Variants in MAGI2 observed in about 807,000 individuals in gnomAD.
The protein encoded by MAGI2 is membrane associated guanylate kinase, WW and PDZ domain containing 2, also known as membrane-associated guanylate kinase, WW and PDZ domain-containing protein 2.
Under a neutral mutation model 133.3 loss-of-function variants are expected in MAGI2, and 35 were observed. The ratio of observed to expected loss-of-function variants is 0.26; its 90% CI spans 0.20 to 0.35. The LOEUF (loss-of-function observed/expected upper bound fraction) is 0.35. MAGI2 is among the 10% of genes least tolerant of loss of function. The pLI is 1.00. For missense variants in MAGI2, 1,636 were observed against 1,863.4 expected (o/e 0.88, Z 2.25); for synonymous variants, 729 against 710.6 (o/e 1.03, Z -0.41).
intron 21 of MAGI2, chr7:78,035,270 G>C (rs1810071664): frequency 6.5e-6 from 1 of 153,282 alleles, no homozygotes; most frequent in Non-Finnish European, 1.5e-5. Flanking sequence ...ATCAGCTTTG[G>C]AAGGTAGCGG....
chr7:78,399,804 CAAAAA>C (rs3061269), intron 6 of MAGI2, among the ~76,000 whole-genome samples: 1,920 of 69,696 alleles, frequency 0.028, 18 homozygotes, highest in East Asian at 0.12. Flanking sequence ...GACTTTGTAT[CAAAAA>C]AAAAAAAAAA....
At chr7:78,127,164 T>C (rs535160446) in intron 19 of MAGI2, 33 bp downstream of exon 19, 4 of 1,497,742 alleles carry the variant, frequency 2.7e-6, no homozygotes, top group Middle Eastern at 4.7e-4. Flanking sequence ...GAAGCCTTGG[T>C]CAGGACCCAC....
chr7:78,122,607 T>G (rs1289708856), intron 20 of MAGI2, among the ~76,000 whole-genome samples: 1 of 152,224 alleles, frequency 6.6e-6, no homozygotes, highest in Non-Finnish European at 1.5e-5. Context: ...AATAATGTTC[T>G]TTTTCATCAT....
At chr7:79,251,444 CA>C (rs56355425) in intron 1 of MAGI2, among the ~76,000 whole-genome samples, 129,774 of 151,724 alleles carry the variant, frequency 0.86, 55,609 homozygotes, top group African/African-American at 0.9. Context: ...AGAGATTTCT[CA>C]AAAAAAAAGG....
At chr7:78,653,619 C>T (rs1811812328) in intron 2 of MAGI2, among the ~76,000 whole-genome samples, 1 of 151,808 alleles carries the variant, frequency 6.6e-6, no homozygotes, top group Non-Finnish European at 1.5e-5. Flanking sequence ...GGACATCACA[C>T]ACTGGGGCCT....
At chr7:79,145,264 CT>C (rs1300645001) in intron 1 of MAGI2, among the ~76,000 whole-genome samples, 1 of 152,014 alleles carries the variant, frequency 6.6e-6, no homozygotes, top group Non-Finnish European at 1.5e-5. Context: ...TCCATTTCAC[CT>C]TTCTTCCAAA....
At chr7:78,543,219 A>G (rs909558817) in intron 3 of MAGI2, among the ~76,000 whole-genome samples, 1 of 152,206 alleles carries the variant, frequency 6.6e-6, no homozygotes, top group Non-Finnish European at 1.5e-5. Flanking sequence ...GTGAATGTAG[A>G]GAGAAAAAGG....
rs553189361 is a variant in MAGI2, at chr7:79,083,546, C to T, written c.302-76340G>A. Reference sequence around the variant, plus strand: ...GGATAAATCCCACTTGGTCATGATGCTTTTTATATGTTGTGGGATTAAATT... The same window carrying T: ...GGATAAATCCCACTTGGTCATGATGTTTTTTATATGTTGTGGGATTAAATT... On this transcript the variant is annotated intron_variant, in intron 1 of 21. Transcript: ENST00000354212. 8.1e-4 allele frequency among the ~76,000 whole-genome samples: 122 copies of T among 151,542 alleles called. 1 individual carries two copies. The highest frequency in any genetic ancestry group is 2.8e-3 in the African/African-American group (115 of 41,430).
chr7:78,714,526 C>T (rs917351483), intron 2 of MAGI2, among the ~76,000 whole-genome samples: 1 of 152,144 alleles, frequency 6.6e-6, no homozygotes, highest in African/African-American at 2.4e-5. Flanking sequence ...TAGGCAACAA[C>T]GAGGCATTGG....
In MAGI2 at chr7:79,453,088, G is replaced by C. The variant is rs2129210547; in HGVS notation, c.233C>G (p.Thr78Ser). ...GATCACGGCCAGCACGTCCCTGATG[G>C]TGAGCCCCGCCACGGGGGTCTCGTT... The part of the protein sequence containing the change: ...EVNETPVAGL[T>S]IRDVLAVIKH... The change falls in exon 1 of 22, where the codon ACC (threonine) becomes AGC (serine). Residue 78 changes from threonine to serine, a missense_variant. Physicochemically the swap from Thr to Ser is moderately conservative, Grantham distance 58. This residue lies in a region of MAGI2 where 148 missense variants were observed against 239.0 expected (regional missense o/e 0.62). Coordinates refer to ENST00000354212, the MANE Select transcript of MAGI2 (RefSeq NM_012301.4). 6.2e-7 allele frequency: 1 copy of C among 1,613,652 alleles called. No individual in the cohort carries two copies. Among genetic ancestry groups the C allele is most frequent in the Admixed American group, 1.7e-5 (1 of 59,996 alleles).
At chr7:78,638,892 G>A (rs1427124827) in intron 2 of MAGI2, among the ~76,000 whole-genome samples, 1 of 152,032 alleles carries the variant, frequency 6.6e-6, no homozygotes, top group African/African-American at 2.4e-5. Context: ...TTATTATTTA[G>A]CAGATAATGT....
chr7:78,266,864 G>A (rs896128437), intron 9 of MAGI2, among the ~76,000 whole-genome samples: 3 of 152,108 alleles, frequency 2.0e-5, no homozygotes, highest in African/African-American at 4.8e-5. Context: ...GAGCCACCAT[G>A]CCTGGCCAAA....
chr7:79,383,493 T>C (rs924714532), intron 1 of MAGI2, among the ~76,000 whole-genome samples: 3 of 151,556 alleles, frequency 2.0e-5, no homozygotes, highest in Non-Finnish European at 4.4e-5. Flanking sequence ...TTGCGATACA[T>C]GGTCTATAAA....
At chr7:78,569,834 G>T (rs1324277341) in intron 3 of MAGI2, among the ~76,000 whole-genome samples, 1 of 152,118 alleles carries the variant, frequency 6.6e-6, no homozygotes, top group African/African-American at 2.4e-5. Flanking sequence ...GTTGATTCCT[G>T]CCACCACTGA....
intron 2 of MAGI2, among the ~76,000 whole-genome samples, chr7:78,647,457 G>T (rs1162483599): frequency 6.6e-6 from 1 of 152,086 alleles, no homozygotes; most frequent in African/African-American, 2.4e-5. Context: ...ACCATCTCAT[G>T]CCCGTTAGAA....
At chr7:79,328,735 C>G (rs1839867943) in intron 1 of MAGI2, among the ~76,000 whole-genome samples, 1 of 152,066 alleles carries the variant, frequency 6.6e-6, no homozygotes, top group Non-Finnish European at 1.5e-5. Flanking sequence ...AATATTTAGC[C>G]AGAGTTAACA....
chr7:78,413,864 T>C (rs1798067466), intron 6 of MAGI2, among the ~76,000 whole-genome samples: 1 of 151,848 alleles, frequency 6.6e-6, no homozygotes, highest in East Asian at 1.9e-4. Flanking sequence ...CAGTGGAAAA[T>C]GGGAAAACAA....
intron 3 of MAGI2, among the ~76,000 whole-genome samples, chr7:78,573,821 C>T (rs147101744): frequency 3.3e-5 from 5 of 152,070 alleles, no homozygotes; most frequent in South Asian, 2.1e-4. Context: ...GCCAAGTACC[C>T]GGAGCTATTT....
At chr7:78,918,435 C>T (rs1584388050) in intron 2 of MAGI2, among the ~76,000 whole-genome samples, 1 of 152,126 alleles carries the variant, frequency 6.6e-6, no homozygotes, top group Non-Finnish European at 1.5e-5. Context: ...ACATCCACAA[C>T]ACAAATAAAT....
Sources: allele counts gnomAD v4.1 joint callset (sites outside exome capture counted in the v4.1 genomes callset), GRCh38; gene constraint gnomAD v4.1.1; regional missense constraint gnomAD v4.1.1; transcripts MANE v1.5; gene names NCBI Gene and HGNC (gene_info 2026-07-23, HGNC 2026-07-21).